Variants in OPN5 observed in about 807,000 individuals in gnomAD.
OPN5 encodes the protein opsin 5.
Under a neutral mutation model 41.7 loss-of-function variants are expected in OPN5, and 18 were observed. The ratio of observed to expected loss-of-function variants is 0.43; its 90% CI spans 0.30 to 0.64. OPN5 has a LOEUF of 0.64. Among genes scored for constraint, OPN5 ranks in the 30% least tolerant of loss-of-function variants. The pLI is 0.13. For synonymous variants in OPN5, 178 were observed against 164.3 expected (o/e 1.08, Z -0.64); for missense variants, 318 against 434.5 (o/e 0.73, Z 2.38).
At chr6:47,809,321 A>C (rs1305149521) in intron 5 of OPN5, among the ~76,000 whole-genome samples, 2 of 152,224 alleles carry the variant, frequency 1.3e-5, no homozygotes, top group African/African-American at 4.8e-5. Flanking sequence ...AGTAAGGGAC[A>C]GTAGACAAAA....
intron 6 of OPN5, among the ~76,000 whole-genome samples, chr6:47,821,408 A>C (rs1762619521): frequency 6.6e-6 from 1 of 152,198 alleles, no homozygotes; most frequent in Non-Finnish European, 1.5e-5. Context: ...GTCAGAAAAA[A>C]ATTCTAGGAG....
At chr6:47,823,800 G>A (rs1358872202) in intron 6 of OPN5, among the ~76,000 whole-genome samples, 183 bp from the exon 7 acceptor site, 3 of 152,130 alleles carry the variant, frequency 2.0e-5, no homozygotes, top group African/African-American at 7.2e-5. Flanking sequence ...AACAGGGCAG[G>A]ATGCACCTGC....
chr6:47,796,744 T>C (rs1338550654), intron 4 of OPN5, among the ~76,000 whole-genome samples: 2 of 152,152 alleles, frequency 1.3e-5, no homozygotes, highest in East Asian at 3.9e-4. Context: ...GAGACTTGGT[T>C]CTGGTAATAT....
At chr6:47,797,127 G>A (rs1773598505) in intron 4 of OPN5, among the ~76,000 whole-genome samples, 1 of 152,136 alleles carries the variant, frequency 6.6e-6, no homozygotes, top group Admixed American at 6.6e-5. Context: ...CATTATGGGA[G>A]CTACAATTCA....
intron 6 of OPN5, among the ~76,000 whole-genome samples, chr6:47,821,857 G>A (rs2114016058): frequency 6.6e-6 from 1 of 152,226 alleles, no homozygotes; most frequent in African/African-American, 2.4e-5. Flanking sequence ...GCTCATACCT[G>A]TAATCCCAGC....
At chr6:47,798,749 T>C (rs937850969) in intron 4 of OPN5, among the ~76,000 whole-genome samples, 8 of 152,100 alleles carry the variant, frequency 5.3e-5, no homozygotes, top group Non-Finnish European at 1.0e-4. Flanking sequence ...CAGTACTAAA[T>C]TGAAACTATT....
intron 4 of OPN5, among the ~76,000 whole-genome samples, chr6:47,805,219 T>C (rs1419425068): frequency 1.3e-5 from 2 of 152,138 alleles, no homozygotes; most frequent in Admixed American, 6.5e-5. Flanking sequence ...GTAAGCTTCG[T>C]AGAAAGATAG....
intron 4 of OPN5, among the ~76,000 whole-genome samples, chr6:47,804,349 A>G (rs1164863715): frequency 6.6e-6 from 1 of 152,212 alleles, no homozygotes; most frequent in Admixed American, 6.5e-5. Context: ...GTTGATGGGT[A>G]CAGGAGCCTG....
At chr6:47,784,464 T>G (rs1016084385) in intron 1 of OPN5, among the ~76,000 whole-genome samples, 4 of 152,068 alleles carry the variant, frequency 2.6e-5, no homozygotes, top group Admixed American at 2.6e-4. Flanking sequence ...GCTTGGCTAA[T>G]TTTTGTGTTT....
chr6:47,810,687 A>G (rs1172409360), intron 5 of OPN5, among the ~76,000 whole-genome samples: 2 of 152,194 alleles, frequency 1.3e-5, no homozygotes, highest in Non-Finnish European at 2.9e-5. Flanking sequence ...ACAGTCTATT[A>G]CAAGTTAAAC....
At chr6:47,813,068 AAACAACAACAACAACAACAACAAC>A (rs70999651) in intron 6 of OPN5, among the ~76,000 whole-genome samples, 21 of 139,066 alleles carry the variant, frequency 1.5e-4, no homozygotes, top group African/African-American at 3.1e-4. Flanking sequence ...TCTATGATTA[AAACAACAACAACAACAACAACAAC>A]AACAACAACA....
At chr6:47,790,423 C>G (rs1002084876) in intron 2 of OPN5, among the ~76,000 whole-genome samples, 1 of 152,114 alleles carries the variant, frequency 6.6e-6, no homozygotes. Flanking sequence ...CTCTGTGTCT[C>G]TCTCTCATAG....
At chr6:47,808,636 A>G (rs1038716301) in intron 5 of OPN5, among the ~76,000 whole-genome samples, 6 of 152,204 alleles carry the variant, frequency 3.9e-5, no homozygotes, top group Non-Finnish European at 1.5e-5. Flanking sequence ...CAACTAAGAT[A>G]CAGAGATGTG....
At chr6:47,788,548 A>T (rs1438271156) in intron 2 of OPN5, among the ~76,000 whole-genome samples, 1 of 152,190 alleles carries the variant, frequency 6.6e-6, no homozygotes, top group East Asian at 1.9e-4. Context: ...AGGTTTCACT[A>T]ACCCAGATCA....
chr6:47,811,817 A>C (rs1774216826), intron 6 of OPN5, 86 bp downstream of exon 6: 1 of 826,424 alleles, frequency 1.2e-6, no homozygotes, highest in Non-Finnish European at 2.0e-6. Flanking sequence ...TTGTGGCCAC[A>C]CTTTTGTCTT....
chr6:47,795,427 G>T (rs1231865053), exon 4 of OPN5: 1 of 1,614,106 alleles, frequency 6.2e-7, no homozygotes. Context: ...CTCTTCTTCT[G>T]CCTCTTGCTC....
At chr6:47,795,339 C>T (rs1773512297) in exon 4 of OPN5, 2 of 1,614,108 alleles carry the variant, frequency 1.2e-6, no homozygotes, top group Non-Finnish European at 1.7e-6. Flanking sequence ...CGTACCTGAG[C>T]CCTTCGGAAC....
chr6:47,798,679 G>GA (rs1196920026), intron 4 of OPN5, among the ~76,000 whole-genome samples: 2 of 151,664 alleles, frequency 1.3e-5, no homozygotes, highest in Non-Finnish European at 2.9e-5. Context: ...TATTTGTGCA[G>GA]AAAATGTAAG....
At chr6:47,805,631 C>A (rs1038934535) in intron 4 of OPN5, among the ~76,000 whole-genome samples, 2 of 152,116 alleles carry the variant, frequency 1.3e-5, no homozygotes, top group Non-Finnish European at 2.9e-5. Flanking sequence ...GGCTGTGGAC[C>A]ATTTCCTGCC....
Sources: gnomAD v4.1 joint callset for allele counts (sites outside exome capture counted in the v4.1 genomes callset) on GRCh38, gnomAD v4.1.1 for gene constraint, MANE v1.5 for transcripts, NCBI Gene and HGNC (gene_info 2026-07-23, HGNC 2026-07-21) for gene names.